Variants in INSYN2B observed in about 807,000 individuals in gnomAD.
The protein encoded by INSYN2B is protein INSYN2B.
In INSYN2B, 16 loss-of-function variants were observed where a neutral mutation model predicts 41.2. The observed-to-expected ratio is 0.39, with a 90% confidence interval of 0.26 to 0.59. The LOEUF (loss-of-function observed/expected upper bound fraction) is 0.59, where lower values mean the gene tolerates loss of function less well. Among genes scored for constraint, INSYN2B ranks in the 20% least tolerant of loss-of-function variants. The pLI is 0.57. For synonymous variants in INSYN2B, 245 were observed against 244.4 expected, an observed-to-expected ratio of 1.00 and a Z score of -0.02; for missense variants, 608 against 646.4, an observed-to-expected ratio of 0.94 and a Z score of 0.64.
At chr5:169,872,023 A>T (rs1162825715) in intron 3 of INSYN2B, among the ~76,000 whole-genome samples, 1 of 152,196 alleles carries the variant, frequency 6.6e-6, no homozygotes, top group Non-Finnish European at 1.5e-5. Context: ...CTGCTCTTTT[A>T]TAAACAGGCA....
chr5:169,936,432 G>T (rs1775999319), intron 1 of INSYN2B, among the ~76,000 whole-genome samples: 2 of 152,052 alleles, frequency 1.3e-5, no homozygotes, highest in South Asian at 2.1e-4. Context: ...ATTCTCAAAG[G>T]TATCACAGCT....
intron 1 of INSYN2B, among the ~76,000 whole-genome samples, chr5:169,959,671 G>A (rs778395339): frequency 1.3e-4 from 20 of 152,162 alleles, no homozygotes; most frequent in Non-Finnish European, 2.6e-4. Flanking sequence ...TAGGGAGTCC[G>A]TCCAGTTCTC....
intron 1 of INSYN2B, among the ~76,000 whole-genome samples, chr5:169,946,145 A>G (rs1776439028): frequency 6.6e-6 from 1 of 152,202 alleles, no homozygotes; most frequent in Non-Finnish European, 1.5e-5. Flanking sequence ...GAGTGATCTA[A>G]CAGTCTCCCT....
chr5:169,918,904 T>C (rs555993508), intron 1 of INSYN2B, among the ~76,000 whole-genome samples: 14 of 152,256 alleles, frequency 9.2e-5, no homozygotes, highest in Admixed American at 4.6e-4. Flanking sequence ...AGCAAGACTT[T>C]GTCTCAAAAA....
intron 1 of INSYN2B, among the ~76,000 whole-genome samples, chr5:169,929,377 G>A (rs148518768): frequency 5.9e-5 from 9 of 152,054 alleles, no homozygotes; most frequent in African/African-American, 2.2e-4. Context: ...TCCACAAAGC[G>A]AATCCCGGCA....
Position 169,892,776 on chromosome 5 carries a change from A to AG in INSYN2B, c.-918-7961dup, listed in dbSNP as rs768759552. Among the ~76,000 whole-genome samples the AG allele has an allele frequency of 7.2e-5, 11 of 152,346 alleles. No homozygotes were observed. In the South Asian group the frequency reaches 2.3e-3, roughly 32 times the overall value. On this transcript the variant is annotated intron_variant, in intron 1 of 3. Transcript: ENST00000377365. ...TGCAAGACAGCACAGAGGACAGTAGAGTGAACATAACAAACATGACCAGCC... is the reference window on the plus strand; with the variant it reads ...TGCAAGACAGCACAGAGGACAGTAGAGGTGAACATAACAAACATGACCAGCC...
At chr5:169,957,981 T>C (rs1431914672) in intron 1 of INSYN2B, among the ~76,000 whole-genome samples, 1 of 152,208 alleles carries the variant, frequency 6.6e-6, no homozygotes, top group Non-Finnish European at 1.5e-5. Flanking sequence ...TCCTACCAGC[T>C]CACCTTGACT....
intron 1 of INSYN2B, among the ~76,000 whole-genome samples, chr5:169,918,227 G>A (rs927434032): frequency 1.3e-5 from 2 of 152,140 alleles, no homozygotes; most frequent in Admixed American, 1.3e-4. Flanking sequence ...ATCCTGTTTT[G>A]TCTAGGACAG....
intron 1 of INSYN2B, among the ~76,000 whole-genome samples, chr5:169,938,152 T>C (rs1776075754): frequency 6.6e-6 from 1 of 152,180 alleles, no homozygotes; most frequent in Admixed American, 6.5e-5. Flanking sequence ...CTCTAAAGCT[T>C]GCAGTCTATT....
At chr5:169,949,305 A>T (rs1175008744) in intron 1 of INSYN2B, among the ~76,000 whole-genome samples, 1 of 152,090 alleles carries the variant, frequency 6.6e-6, no homozygotes, top group African/African-American at 2.4e-5. Context: ...GGGAGATCAT[A>T]ATAATGTGGA....
intron 1 of INSYN2B, among the ~76,000 whole-genome samples, chr5:169,948,949 A>G (rs1581459951): frequency 6.6e-6 from 1 of 152,146 alleles, no homozygotes; most frequent in Non-Finnish European, 1.5e-5. Context: ...GAAATTATCA[A>G]ATTACAAGAA....
intron 1 of INSYN2B, among the ~76,000 whole-genome samples, chr5:169,936,413 A>C (rs1030458023): frequency 1.3e-5 from 2 of 152,158 alleles, no homozygotes; most frequent in Non-Finnish European, 2.9e-5. Flanking sequence ...GGATCCAGGA[A>C]GTGAAGTGAT....
Position 169,942,064 on chromosome 5 carries a change from G to A in INSYN2B, c.-919+38213C>T, listed in dbSNP as rs375816809. 1.6e-3 allele frequency among the ~76,000 whole-genome samples: 244 copies of A among 152,346 alleles called. 4 individuals are homozygous for A. In the South Asian group the frequency reaches 0.043, roughly 27 times the overall value. ...CCTGAACGAAAACAGTTCGACATGAGAAGGATGTGGGCCTGTCTCTAATTT... is the reference window on the plus strand; with the variant it reads ...CCTGAACGAAAACAGTTCGACATGAAAAGGATGTGGGCCTGTCTCTAATTT... On this transcript the variant is annotated intron_variant, in intron 1 of 3. Coordinates refer to ENST00000377365, the MANE Select transcript of INSYN2B (RefSeq NM_001129891.3).
chr5:169,925,741 G>A (rs558983093), intron 1 of INSYN2B, among the ~76,000 whole-genome samples: 16 of 151,738 alleles, frequency 1.1e-4, no homozygotes, highest in Non-Finnish European at 2.1e-4. Context: ...TGTGTTGGGA[G>A]CATTAAAAGA....
chr5:169,881,298 T>G, intron 3 of INSYN2B, 70 bp downstream of exon 3: 1 of 1,299,230 alleles, frequency 7.7e-7, no homozygotes, highest in Non-Finnish European at 1.1e-6. Flanking sequence ...CATTTAAAAG[T>G]TTGCTAGAGT....
At chr5:169,923,589 C>T (rs957219906) in intron 1 of INSYN2B, among the ~76,000 whole-genome samples, 4 of 152,072 alleles carry the variant, frequency 2.6e-5, no homozygotes, top group African/African-American at 9.7e-5. Flanking sequence ...TCTATTGTGA[C>T]CTTGGGCACG....
intron 1 of INSYN2B, among the ~76,000 whole-genome samples, chr5:169,919,883 T>C (rs1311187859): frequency 6.6e-6 from 1 of 152,182 alleles, no homozygotes. Context: ...AGCAGATTAG[T>C]ATTAGTGGAA....
chr5:169,876,774 T>C (rs1772361332), intron 3 of INSYN2B, among the ~76,000 whole-genome samples: 1 of 152,216 alleles, frequency 6.6e-6, no homozygotes, highest in African/African-American at 2.4e-5. Flanking sequence ...CCAGGAGTGG[T>C]GGTGTACACT....
rs1203165063 is a variant in INSYN2B, at chr5:169,863,939, G to A, written c.*334C>T. Among the ~76,000 whole-genome samples the A allele has an allele frequency of 6.6e-6, 1 of 152,186 alleles. No individual in the cohort carries two copies. The highest frequency in any genetic ancestry group is 1.9e-4 in the East Asian group (1 of 5,198). On this transcript the variant is annotated 3_prime_UTR_variant, in exon 4 of 4. Coordinates refer to ENST00000377365, the MANE Select transcript of INSYN2B (RefSeq NM_001129891.3). ...TGGGAAGGAAGTGCTTGGCATCTTGGAGGTGTTGGAAGGTGTAGTGTGGGG... is the reference window on the plus strand; with the variant it reads ...TGGGAAGGAAGTGCTTGGCATCTTGAAGGTGTTGGAAGGTGTAGTGTGGGG...
Sources: allele counts gnomAD v4.1 joint callset (sites outside exome capture counted in the v4.1 genomes callset), GRCh38; gene constraint gnomAD v4.1.1; transcripts MANE v1.5; gene names NCBI Gene and HGNC (gene_info 2026-07-23, HGNC 2026-07-21).